BNC2: variants seen among roughly 807,000 people sequenced by gnomAD.
BNC2 encodes the protein zinc finger protein basonuclin-2.
Under a neutral mutation model 76.3 loss-of-function variants are expected in BNC2, and 20 were observed. The observed-to-expected ratio is 0.26, with a 90% CI of 0.18 to 0.38. The LOEUF (loss-of-function observed/expected upper bound fraction) is 0.38. BNC2 is among the 10% of genes least tolerant of loss of function. The pLI, the probability that BNC2 is intolerant of heterozygous loss-of-function variation, is 1.00. For missense variants in BNC2, 1,382 were observed against 1,399.8 expected (o/e 0.99, Z 0.20); for synonymous variants, 582 against 514.8 (o/e 1.13, Z -1.77).
chr9:16,747,168 G>C (rs577536770), intron 1 of BNC2, among the ~76,000 whole-genome samples: 201 of 152,188 alleles, frequency 1.3e-3, no homozygotes, highest in Middle Eastern at 3.4e-3. Flanking sequence ...GGCCAAGTTA[G>C]GCATCTTCAC....
At chr9:16,545,025 A>C (rs537969226) in intron 5 of BNC2, among the ~76,000 whole-genome samples, 6 of 152,320 alleles carry the variant, frequency 3.9e-5, no homozygotes, top group African/African-American at 1.4e-4. Flanking sequence ...CCAAAAAGTG[A>C]AACCAAGATT....
At chr9:16,686,541 A>C (rs1822984143) in intron 3 of BNC2, among the ~76,000 whole-genome samples, 1 of 152,172 alleles carries the variant, frequency 6.6e-6, no homozygotes, top group Admixed American at 6.5e-5. Flanking sequence ...TCAATACATC[A>C]ACTAAGCATC....
At chr9:16,727,037 C>G (rs528059566) in intron 3 of BNC2, 2 of 152,390 alleles carry the variant, frequency 1.3e-5, no homozygotes, top group South Asian at 4.1e-4. Context: ...GCAGAGCCAG[C>G]AAGCCGAACG....
intron 4 of BNC2, among the ~76,000 whole-genome samples, chr9:16,568,203 A>G (rs948104259): frequency 6.6e-6 from 1 of 152,182 alleles, no homozygotes; most frequent in Non-Finnish European, 1.5e-5. Flanking sequence ...TGAATTTCCA[A>G]TAGATTAACA....
intron 5 of BNC2, among the ~76,000 whole-genome samples, chr9:16,464,570 A>G (rs192256984): frequency 1.4e-4 from 22 of 152,224 alleles, no homozygotes; most frequent in South Asian, 6.2e-4. Flanking sequence ...TAATTAATAT[A>G]AGATTAAATA....
At chr9:16,841,203 TG>T (rs1217630198) in intron 1 of BNC2, among the ~76,000 whole-genome samples, 5 of 152,218 alleles carry the variant, frequency 3.3e-5, no homozygotes, top group African/African-American at 7.2e-5. Flanking sequence ...GGCACTGTGC[TG>T]ATCCTTACCC....
At chr9:16,758,708 G>C (rs571290718) in intron 1 of BNC2, among the ~76,000 whole-genome samples, 534 of 152,186 alleles carry the variant, frequency 3.5e-3, no homozygotes, top group African/African-American at 0.011. Context: ...TTATTCTATT[G>C]ACCGCACAAG....
intron 3 of BNC2, among the ~76,000 whole-genome samples, chr9:16,724,970 T>A (rs887708269): frequency 7.2e-5 from 11 of 151,750 alleles, no homozygotes; most frequent in Non-Finnish European, 1.6e-4. Flanking sequence ...TTAAAAAAAA[T>A]AACCCAATAA....
intron 1 of BNC2, among the ~76,000 whole-genome samples, chr9:16,815,074 C>T (rs1233316065): frequency 6.6e-6 from 1 of 152,046 alleles, no homozygotes; most frequent in African/African-American, 2.4e-5. Flanking sequence ...ATATAATCAG[C>T]AAGACTTACA....
chr9:16,776,313 T>A (rs1825967032), intron 1 of BNC2, among the ~76,000 whole-genome samples: 1 of 152,136 alleles, frequency 6.6e-6, no homozygotes, highest in Admixed American at 6.5e-5. Context: ...GCTATTTTTG[T>A]ATTTTTAGTA....
intron 1 of BNC2, among the ~76,000 whole-genome samples, chr9:16,869,006 T>A (rs1024529639): frequency 1.1e-4 from 16 of 152,122 alleles, no homozygotes; most frequent in African/African-American, 3.9e-4. Context: ...CAGTTCAAAG[T>A]CATTAGGATA....
intron 4 of BNC2, among the ~76,000 whole-genome samples, chr9:16,573,246 GAAAA>G (rs1819381050): frequency 6.8e-6 from 1 of 146,810 alleles, no homozygotes; most frequent in South Asian, 2.1e-4. Context: ...AACAGAAAAA[GAAAA>G]AGAAAGAAAT....
At chr9:16,543,091 A>G (rs1818374470) in intron 5 of BNC2, among the ~76,000 whole-genome samples, 1 of 152,110 alleles carries the variant, frequency 6.6e-6, no homozygotes, top group African/African-American at 2.4e-5. Flanking sequence ...AATAAAACGT[A>G]TGGGCAACTG....
chr9:16,685,496 CT>C, intron 3 of BNC2: 1 of 1,206,568 alleles, frequency 8.3e-7, no homozygotes, highest in Non-Finnish European at 1.1e-6. Flanking sequence ...TCCAGGACCA[CT>C]GTTTCTGTCA....
intron 6 of BNC2, among the ~76,000 whole-genome samples, chr9:16,427,382 C>G (rs558347525): frequency 6.6e-6 from 1 of 152,278 alleles, no homozygotes; most frequent in African/African-American, 2.4e-5. Flanking sequence ...ATGTGTGTTT[C>G]CAGCAGTTTA....
intron 1 of BNC2, among the ~76,000 whole-genome samples, chr9:16,815,725 C>T (rs1271991699): frequency 6.6e-6 from 1 of 152,174 alleles, no homozygotes; most frequent in Non-Finnish European, 1.5e-5. Flanking sequence ...AAGATTTGTA[C>T]TACTATTTAT....
At chr9:16,471,292 AT>A (rs34169220) in intron 5 of BNC2, among the ~76,000 whole-genome samples, 15,841 of 133,656 alleles carry the variant, frequency 0.12, 1,169 homozygotes, top group African/African-American at 0.23. Flanking sequence ...CTTGCTTTTG[AT>A]TTTTTTTTTT....
intron 1 of BNC2, among the ~76,000 whole-genome samples, chr9:16,797,656 A>C (rs1817690582): frequency 6.6e-6 from 1 of 152,196 alleles, no homozygotes; most frequent in Non-Finnish European, 1.5e-5. Context: ...TTTGAACACC[A>C]AGATGAGATT....
intron 5 of BNC2, among the ~76,000 whole-genome samples, chr9:16,449,115 G>C (rs751505294): frequency 3.9e-5 from 6 of 152,076 alleles, no homozygotes; most frequent in Admixed American, 6.6e-5. Context: ...AATTCAAAAT[G>C]AAAAAGGATA....
Sources: gnomAD v4.1 joint callset for allele counts (sites outside exome capture counted in the v4.1 genomes callset) on GRCh38, gnomAD v4.1.1 for gene constraint, MANE v1.5 for transcripts, NCBI Gene and HGNC (gene_info 2026-07-23, HGNC 2026-07-21) for gene names.